The following CHST9 variants were observed in gnomAD, a reference collection of about 807,000 sequenced individuals.
CHST9 encodes carbohydrate sulfotransferase 9, also known as GalNAc-4-sulfotransferase 2.
Under a neutral mutation model 44.4 loss-of-function variants are expected in CHST9, and 41 were observed. The observed-to-expected ratio is 0.92, with a 90% confidence interval of 0.72 to 1.20. The LOEUF is 1.20. Ranked by LOEUF, CHST9 falls within the 50% of genes most tolerant of loss-of-function variation. The probability of loss-of-function intolerance (pLI) is 0.00; values close to 1 mark genes in which losing one functional copy is unlikely to be tolerated. For missense variants in CHST9, 504 were observed against 516.5 expected, an observed-to-expected ratio of 0.98 and a Z score of 0.23; for synonymous variants, 171 against 178.4, an observed-to-expected ratio of 0.96 and a Z score of 0.33.
At chr18:27,076,698 G>T (rs1196791627) in intron 2 of CHST9, among the ~76,000 whole-genome samples, 1 of 152,174 alleles carries the variant, frequency 6.6e-6, no homozygotes, top group African/African-American at 2.4e-5. Flanking sequence ...TTGAGGTCTT[G>T]CAACTTAAAT....
chr18:26,954,046 TG>T (rs781111250), intron 4 of CHST9, among the ~76,000 whole-genome samples: 11 of 152,158 alleles, frequency 7.2e-5, no homozygotes, highest in Non-Finnish European at 1.3e-4. Flanking sequence ...TCCAGAACTG[TG>T]GAGTTCTGGA....
chr18:27,104,372 T>G (rs1211485950), intron 2 of CHST9, among the ~76,000 whole-genome samples: 1 of 152,220 alleles, frequency 6.6e-6, no homozygotes, highest in East Asian at 1.9e-4. Context: ...TAAAGGTTCT[T>G]TGCCTGCTTT....
At chr18:27,147,995 C>G (rs1367012265) in intron 1 of CHST9, among the ~76,000 whole-genome samples, 1 of 151,138 alleles carries the variant, frequency 6.6e-6, no homozygotes. Context: ...AGTTATTTTT[C>G]CTGACCCTCT....
At position 27,014,882 on chromosome 18, in the gene CHST9, T is replaced by C. The variant is rs932335757; in HGVS notation, c.202+9234A>G. Among the ~76,000 whole-genome samples, 3 of 152,172 alleles carry C rather than the reference T, an allele frequency of 2.0e-5. No homozygotes were observed. In the East Asian group the frequency reaches 5.8e-4, roughly 29 times the overall value. Reference sequence around the variant, plus strand: ...TTTTTTGCTTTCCCAGTTTTTGTCATTCTTTTAGGGTCTCTCTCTTTTCTA... The same window carrying C: ...TTTTTTGCTTTCCCAGTTTTTGTCACTCTTTTAGGGTCTCTCTCTTTTCTA... On this transcript the variant is annotated intron_variant, in intron 4 of 5. Transcript: ENST00000618847.
chr18:26,976,213 A>G (rs972745633), intron 4 of CHST9, among the ~76,000 whole-genome samples: 2 of 152,110 alleles, frequency 1.3e-5, no homozygotes, highest in African/African-American at 4.8e-5. Context: ...ATCATTCCAG[A>G]ACCTTCTTTG....
At chr18:26,954,209 G>C (rs1169416999) in intron 4 of CHST9, among the ~76,000 whole-genome samples, 1 of 152,184 alleles carries the variant, frequency 6.6e-6, no homozygotes, top group East Asian at 1.9e-4. Flanking sequence ...GAAGCATAGA[G>C]AGGAAGCTAT....
chr18:27,094,225 C>T (rs544331449), intron 2 of CHST9, among the ~76,000 whole-genome samples: 2 of 152,274 alleles, frequency 1.3e-5, no homozygotes, highest in South Asian at 4.2e-4. Flanking sequence ...CTTGATCAAA[C>T]TGTAACACCT....
At chr18:27,131,957 C>T (rs180751946) in intron 2 of CHST9, among the ~76,000 whole-genome samples, 1 of 152,264 alleles carries the variant, frequency 6.6e-6, no homozygotes, top group Admixed American at 6.5e-5. Flanking sequence ...TTTTCTGGGC[C>T]AACCAATGTA....
intron 3 of CHST9, among the ~76,000 whole-genome samples, chr18:27,039,433 A>T (rs1307249112): frequency 1.3e-5 from 2 of 148,922 alleles, no homozygotes; most frequent in African/African-American, 4.9e-5. Flanking sequence ...GATTCTACTT[A>T]TATAAATTAC....
At chr18:27,039,145 G>A (rs1335253613) in intron 3 of CHST9, among the ~76,000 whole-genome samples, 1 of 152,044 alleles carries the variant, frequency 6.6e-6, no homozygotes, top group Non-Finnish European at 1.5e-5. Flanking sequence ...AGTACCACAT[G>A]ATCCAGCAAT....
At chr18:26,965,449 C>T (rs1383898493) in intron 4 of CHST9, among the ~76,000 whole-genome samples, 1 of 152,124 alleles carries the variant, frequency 6.6e-6, no homozygotes, top group African/African-American at 2.4e-5. Context: ...AGATTAGAAC[C>T]CCTGGGAAGC....
chr18:26,969,430 A>T (rs375572433), intron 4 of CHST9, among the ~76,000 whole-genome samples: 30 of 151,498 alleles, frequency 2.0e-4, no homozygotes, highest in African/African-American at 7.1e-4. Flanking sequence ...AAAAGGATAG[A>T]AGTCTCTATA....
At chr18:27,096,347 T>A (rs1475483756) in intron 2 of CHST9, among the ~76,000 whole-genome samples, 6 of 151,670 alleles carry the variant, frequency 4.0e-5, no homozygotes, top group African/African-American at 1.5e-4. Context: ...CTGAAATTAA[T>A]GATCTAGTAT....
chr18:27,170,061 C>T (rs938706171), intron 1 of CHST9, among the ~76,000 whole-genome samples: 3 of 152,164 alleles, frequency 2.0e-5, no homozygotes, highest in Non-Finnish European at 2.9e-5. Flanking sequence ...GAATCCTTAA[C>T]ACCAAAATCA....
chr18:26,969,062 G>A (rs914298212), intron 4 of CHST9, among the ~76,000 whole-genome samples: 11 of 149,580 alleles, frequency 7.4e-5, no homozygotes, highest in African/African-American at 2.7e-4. Flanking sequence ...GCAGTGGTGC[G>A]ATCTCGGCTC....
At chr18:26,986,280 T>C (rs910857419) in intron 4 of CHST9, among the ~76,000 whole-genome samples, 1 of 152,044 alleles carries the variant, frequency 6.6e-6, no homozygotes, top group Middle Eastern at 3.2e-3. Flanking sequence ...ATTAAACTGT[T>C]AGAGATAAAA....
chr18:27,170,819 C>T (rs534927631), intron 1 of CHST9, among the ~76,000 whole-genome samples: 14 of 152,208 alleles, frequency 9.2e-5, no homozygotes. Flanking sequence ...CATCTACCTT[C>T]AAACCTTGAG....
intron 3 of CHST9, among the ~76,000 whole-genome samples, chr18:27,038,375 G>A (rs1488836012): frequency 2.0e-5 from 3 of 151,992 alleles, no homozygotes; most frequent in Admixed American, 1.3e-4. Flanking sequence ...GTGAAACCCC[G>A]TCTGTACTAA....
At chr18:27,049,413 A>G (rs1029197366) in intron 2 of CHST9, among the ~76,000 whole-genome samples, 1 of 152,132 alleles carries the variant, frequency 6.6e-6, no homozygotes, top group African/African-American at 2.4e-5. Flanking sequence ...CTGACTTTGA[A>G]GTACTATGGG....
Sources: gnomAD v4.1 joint callset for allele counts (sites outside exome capture counted in the v4.1 genomes callset) on GRCh38, gnomAD v4.1.1 for gene constraint, MANE v1.5 for transcripts, NCBI Gene and HGNC (gene_info 2026-07-23, HGNC 2026-07-21) for gene names.